The following OCA2 variants were observed in gnomAD, a reference collection of about 807,000 sequenced individuals.
The protein encoded by OCA2 is OCA2 melanosomal transmembrane protein.
In OCA2, 77 loss-of-function variants were observed where a neutral mutation model predicts 100.2. The observed-to-expected ratio is 0.77, with a 90% CI of 0.64 to 0.93. The LOEUF is 0.93. OCA2 is among the 40% of genes least tolerant of loss of function. The pLI is 0.00. For synonymous variants in OCA2, 432 were observed against 439.2 expected (o/e 0.98, Z 0.21); for missense variants, 1,062 against 1,089.1 (o/e 0.98, Z 0.35).
chr15:27,948,899 T>C (rs139048181), intron 18 of OCA2, among the ~76,000 whole-genome samples: 3 of 152,138 alleles, frequency 2.0e-5, no homozygotes, highest in East Asian at 1.9e-4. Context: ...CACAAAACCA[T>C]AGTGATGGAG....
intron 23 of OCA2, among the ~76,000 whole-genome samples, chr15:27,780,529 C>G (rs2032483778): frequency 6.6e-6 from 1 of 152,198 alleles, no homozygotes; most frequent in Non-Finnish European, 1.5e-5. Context: ...AAGGAGGGCT[C>G]CTTTAGTTGT....
chr15:27,853,851 C>T (rs940341213), intron 21 of OCA2, among the ~76,000 whole-genome samples: 1 of 152,132 alleles, frequency 6.6e-6, no homozygotes, highest in African/African-American at 2.4e-5. Flanking sequence ...GAAAACATTA[C>T]ACAAAAACAC....
the OCA2 span, among the ~76,000 whole-genome samples, chr15:27,719,892 C>A: frequency 6.6e-6 from 1 of 152,108 alleles, no homozygotes; most frequent in East Asian, 1.9e-4. Context: ...TCACTCATGT[C>A]TCTCTTTCTC....
chr15:27,816,335 T>A (rs1311996986), intron 23 of OCA2, among the ~76,000 whole-genome samples: 2 of 152,180 alleles, frequency 1.3e-5, no homozygotes, highest in Non-Finnish European at 2.9e-5. Flanking sequence ...AGGCTACGTC[T>A]TTCTCCAGCA....
chr15:27,976,543 T>C (rs1230380644), intron 14 of OCA2, among the ~76,000 whole-genome samples: 1 of 152,198 alleles, frequency 6.6e-6, no homozygotes, highest in African/African-American at 2.4e-5. Context: ...TTTGTTAGTA[T>C]AGTAAATTAC....
Position 28,069,694 on chromosome 15 carries a change from T to C in OCA2, c.227+11954A>G, listed in dbSNP as rs1301782607. On this transcript the variant is annotated intron_variant, in intron 2 of 23. Transcript: ENST00000354638. The stretch of plus-strand genomic sequence containing the variant: ...GCCGGGATTGCAGACGGAGTCTCGT[T>C]CACTCAGTGCTCAATGGTGCCCAGG... 1.1e-4 allele frequency among the ~76,000 whole-genome samples: 16 copies of C among 145,816 alleles called. No homozygotes were observed. The South Asian group carries it at 3.1e-3, about 28-fold the overall frequency.
rs147153688 is a variant in OCA2, at chr15:27,851,808, C to T, written c.2245-333G>A. ...ACAGAGCTCATAGAACCCTGGAGTG[C>T]TGTGCTAACTATGCACACGTCATCT... On this transcript the variant is annotated intron_variant, in intron 21 of 23. Coordinates refer to ENST00000354638, the MANE Select transcript of OCA2 (RefSeq NM_000275.3). 1.9e-3 allele frequency among the ~76,000 whole-genome samples: 282 copies of T among 152,296 alleles called. 1 individual carries two copies. The highest frequency in any genetic ancestry group is 6.5e-3 in the African/African-American group (269 of 41,572).
At chr15:27,933,956 A>G (rs758519060) in intron 18 of OCA2, among the ~76,000 whole-genome samples, 1 of 152,206 alleles carries the variant, frequency 6.6e-6, no homozygotes, top group Non-Finnish European at 1.5e-5. Flanking sequence ...TGTTATATAC[A>G]TATCACATAT....
intron 18 of OCA2, among the ~76,000 whole-genome samples, chr15:27,950,758 G>A (rs977636683): frequency 2.0e-5 from 3 of 152,158 alleles, no homozygotes; most frequent in African/African-American, 4.8e-5. Flanking sequence ...CAGGAACCCC[G>A]GAAGCAATGA....
In OCA2 at chr15:28,081,765, C is replaced by G; in HGVS notation, c.110G>C (p.Arg37Thr). The G allele has an allele frequency of 6.2e-7, 1 of 1,613,402 alleles. No homozygotes were observed. Among genetic ancestry groups the G allele is most frequent in the Non-Finnish European group, 8.5e-7 (1 of 1,179,876 alleles). The change falls in exon 2 of 24, where the codon AGG becomes ACG. Residue 37 changes from arginine to threonine, a missense_variant. Coordinates refer to ENST00000354638, the MANE Select transcript of OCA2 (RefSeq NM_000275.3). ...GLAELVAGKR[R>T]LPRGAGGADP... ...AGCTCCACCGGCTCCCCGAGGAAGCCTGCGCTTGCCGGCCACAAGTTCAGC... is the reference window on the plus strand; with the variant it reads ...AGCTCCACCGGCTCCCCGAGGAAGCGTGCGCTTGCCGGCCACAAGTTCAGC...
chr15:28,095,360 C>T (rs1350789215), intron 1 of OCA2, among the ~76,000 whole-genome samples: 2 of 151,930 alleles, frequency 1.3e-5, no homozygotes, highest in Non-Finnish European at 2.9e-5. Flanking sequence ...CAGCAGGCGC[C>T]GCACGCCGAC....
At chr15:27,918,176 C>T (rs1252987594) in intron 19 of OCA2, among the ~76,000 whole-genome samples, 1 of 149,312 alleles carries the variant, frequency 6.7e-6, no homozygotes, top group Admixed American at 6.7e-5. Flanking sequence ...TCACTGAAAC[C>T]TCCACCTCCT....
intron 22 of OCA2, among the ~76,000 whole-genome samples, chr15:27,845,757 G>A (rs2035509867): frequency 6.6e-6 from 1 of 152,150 alleles, no homozygotes. Context: ...TTTGGGCTCA[G>A]CCAGTTTAGC....
chr15:27,735,758 C>T, the OCA2 span, among the ~76,000 whole-genome samples: 3 of 151,920 alleles, frequency 2.0e-5, no homozygotes, highest in African/African-American at 7.3e-5. Flanking sequence ...AAAAACAAAA[C>T]AAAAAACCTG....
At chr15:27,903,088 C>T (rs944240645) in intron 19 of OCA2, among the ~76,000 whole-genome samples, 3 of 152,216 alleles carry the variant, frequency 2.0e-5, no homozygotes, top group Non-Finnish European at 4.4e-5. Flanking sequence ...CTGAGAGAAG[C>T]CCCGAGATCT....
intron 23 of OCA2, among the ~76,000 whole-genome samples, chr15:27,806,514 CG>C (rs2033856181): frequency 6.6e-6 from 1 of 152,130 alleles, no homozygotes; most frequent in Admixed American, 6.5e-5. Context: ...GGAGAAGGGT[CG>C]GGGTAGAAGA....
intron 21 of OCA2, among the ~76,000 whole-genome samples, chr15:27,853,913 C>T (rs746272005): frequency 2.0e-5 from 3 of 152,202 alleles, no homozygotes; most frequent in Non-Finnish European, 2.9e-5. Context: ...CAATAATATT[C>T]GATGCCGAGA....
intron 4 of OCA2, among the ~76,000 whole-genome samples, chr15:28,025,399 T>C (rs2042719850): frequency 6.6e-6 from 1 of 152,182 alleles, no homozygotes; most frequent in African/African-American, 2.4e-5. Flanking sequence ...CCTTAGGCGA[T>C]AACTTAATTA....
At chr15:28,006,265 C>T (rs1385359010) in intron 9 of OCA2, among the ~76,000 whole-genome samples, 1 of 152,172 alleles carries the variant, frequency 6.6e-6, no homozygotes, top group Non-Finnish European at 1.5e-5. Context: ...GCCCCACCAC[C>T]CCCCACCTCT....
Sources: gnomAD v4.1 joint callset for allele counts (sites outside exome capture counted in the v4.1 genomes callset) on GRCh38, gnomAD v4.1.1 for gene constraint, MANE v1.5 for transcripts, NCBI Gene and HGNC (gene_info 2026-07-23, HGNC 2026-07-21) for gene names.